Variants in KITLG observed in about 807,000 individuals in gnomAD.
KITLG encodes the protein KIT ligand.
Under a neutral mutation model 34.1 loss-of-function variants are expected in KITLG, and 13 were observed. The observed-to-expected ratio is 0.38, with a 90% confidence interval of 0.25 to 0.61. KITLG has a LOEUF of 0.61. Among genes scored for constraint, KITLG ranks in the 20% least tolerant of loss-of-function variants. KITLG has a pLI of 0.60. For missense variants in KITLG, 292 were observed against 318.9 expected, an observed-to-expected ratio of 0.92 and a Z score of 0.64; for synonymous variants, 110 against 104.0, an observed-to-expected ratio of 1.06 and a Z score of -0.35.
intron 1 of KITLG, among the ~76,000 whole-genome samples, chr12:88,547,962 T>C (rs1298620920): frequency 6.6e-6 from 1 of 152,148 alleles, no homozygotes; most frequent in Non-Finnish European, 1.5e-5. Flanking sequence ...AACTAGGTTA[T>C]ACAGTATGTC....
intron 6 of KITLG, among the ~76,000 whole-genome samples, chr12:88,511,409 G>A (rs533626758): frequency 6.6e-6 from 1 of 152,278 alleles, no homozygotes; most frequent in African/African-American, 2.4e-5. Context: ...CCTGTCTGGG[G>A]TGCACTTTCA....
intron 3 of KITLG, among the ~76,000 whole-genome samples, chr12:88,525,743 T>C (rs1869841356): frequency 6.6e-6 from 1 of 152,036 alleles, no homozygotes; most frequent in Non-Finnish European, 1.5e-5. Context: ...CACAAGATAA[T>C]AAACTAAAAG....
At chr12:88,566,378 C>T (rs1361813098) in intron 1 of KITLG, among the ~76,000 whole-genome samples, 3 of 152,142 alleles carry the variant, frequency 2.0e-5, no homozygotes, top group Admixed American at 2.0e-4. Context: ...GCTAGGGATA[C>T]CAGTGTTAGA....
rs944755324 is a variant in KITLG, at chr12:88,493,213, C to G, written c.*4006G>C. On this transcript the variant is annotated 3_prime_UTR_variant, in exon 10 of 10. Transcript: ENST00000644744. ...AGTATTGTAGCTCAGAGATCAAGTA[C>G]TGGAAAACGGTGTGGTTTTTAGTTT... is the stretch of plus-strand genomic sequence containing the variant. 6.6e-6 allele frequency: 1 copy of G among 152,120 alleles called. No individual in the cohort carries two copies. Among genetic ancestry groups the G allele is most frequent in the Admixed American group, 6.6e-5 (1 of 15,176 alleles). 9.4% of individuals were successfully genotyped at this position (152,120 alleles called of 1,614,324 possible). A position where few individuals can be genotyped will look rare whatever the true frequency, so the allele number is the denominator to read the frequency against.
chr12:88,552,211 G>C (rs576395880), intron 1 of KITLG, among the ~76,000 whole-genome samples: 1 of 139,220 alleles, frequency 7.2e-6, no homozygotes, highest in South Asian at 2.3e-4. Context: ...GTCTCTCTCT[G>C]TTGCTCAGGC....
At chr12:88,549,044 G>T (rs542080862) in intron 1 of KITLG, among the ~76,000 whole-genome samples, 1 of 152,310 alleles carries the variant, frequency 6.6e-6, no homozygotes, top group Non-Finnish European at 1.5e-5. Context: ...GATCCACGCA[G>T]ACATCTGTGG....
intron 2 of KITLG, among the ~76,000 whole-genome samples, chr12:88,533,155 C>T (rs556329423): frequency 4.6e-5 from 7 of 152,162 alleles, no homozygotes; most frequent in Non-Finnish European, 8.8e-5. Context: ...CTCTTACCTT[C>T]GGCTGAACAT....
chr12:88,575,836 A>G (rs1357749110), intron 1 of KITLG, among the ~76,000 whole-genome samples: 4 of 152,178 alleles, frequency 2.6e-5, no homozygotes, highest in Admixed American at 2.6e-4. Flanking sequence ...TAAAATTTAC[A>G]AAAGGGAATA....
At chr12:88,524,144 A>C (rs1869780218) in intron 3 of KITLG, among the ~76,000 whole-genome samples, 1 of 152,184 alleles carries the variant, frequency 6.6e-6, no homozygotes, top group Admixed American at 6.5e-5. Flanking sequence ...TCCATCTATA[A>C]AATAAATTCT....
chr12:88,547,687 C>G (rs554993889), intron 1 of KITLG, among the ~76,000 whole-genome samples: 126 of 152,320 alleles, frequency 8.3e-4, no homozygotes, highest in Non-Finnish European at 1.5e-3. Flanking sequence ...GGAACTTTCT[C>G]TAAGGATCTC....
At chr12:88,538,588 T>C (rs956798994) in intron 2 of KITLG, among the ~76,000 whole-genome samples, 7 of 151,972 alleles carry the variant, frequency 4.6e-5, no homozygotes, top group Non-Finnish European at 1.0e-4. Context: ...GACAAAAGAT[T>C]AGAAGACCAC....
rs1868653484 is a variant in KITLG at position 88,496,706 on chromosome 12, T to C, written c.*513A>G. 6.5e-6 allele frequency: 1 copy of C among 153,438 alleles called. No individual in the cohort carries two copies. 9.5% of individuals were successfully genotyped at this position (153,438 alleles called of 1,614,324 possible). On this transcript the variant is annotated 3_prime_UTR_variant, in exon 10 of 10. Coordinates refer to ENST00000644744, the MANE Select transcript of KITLG (RefSeq NM_000899.5). ...ACAGTTCCCACTGCTTTCTACACTG[T>C]ACAGTGGCTGACACTACTGAGTTTT...
intron 2 of KITLG, among the ~76,000 whole-genome samples, chr12:88,541,059 C>T (rs2120900986): frequency 6.6e-6 from 1 of 152,130 alleles, no homozygotes; most frequent in African/African-American, 2.4e-5. Flanking sequence ...CACTTTAATG[C>T]AGTGGTAATT....
rs1223317923 is a variant in KITLG, at chr12:88,545,862, A to G, written c.19T>C (p.Trp7Arg). Residue 7 changes from tryptophan (W) to arginine (R), a missense_variant, in exon 2 of 10, where the codon TGG becomes CGG. Trp to Arg is a moderately radical substitution (Grantham distance 101). Around this residue, in one of 2 missense-constraint regions of KITLG, gnomAD observed 152 missense variants for 207.9 expected, o/e 0.73. Transcript: ENST00000644744. Reference protein sequence around the residue: MKKTQTWILTCIYLQLL... With the variant: MKKTQTRILTCIYLQLL... The stretch of plus-strand genomic sequence containing the variant: ...TGAAGATAAATGCAAGTGAGAATCC[A>G]AGTCTAAATGAAAACAGAAAAATTG... 6.3e-7 allele frequency: 1 copy of G among 1,597,124 alleles called. No homozygotes were observed.
chr12:88,571,714 A>G (rs571781585), intron 1 of KITLG, among the ~76,000 whole-genome samples: 155 of 152,316 alleles, frequency 1.0e-3, no homozygotes, highest in South Asian at 2.1e-3. Context: ...GGCAACTGCA[A>G]TCATGAAATT....
Position 88,516,383 on chromosome 12 carries a change from T to C in KITLG, c.471A>G (p.Ala157=). ...AAACCACACAATCACTAGTTTCAGA[T>C]GCCACTACAAAGTCCTTGAAGGCAT... ...SIDAFKDFVV[A]SETSDCVVSS... The change falls in exon 5 of 10, where the codon GCA becomes GCG. Residue 157 remains alanine, a synonymous_variant. Transcript: ENST00000644744. 6.2e-7 allele frequency: 1 copy of C among 1,611,494 alleles called. No homozygotes were observed. The highest frequency in any genetic ancestry group is 8.5e-7 in the Non-Finnish European group (1 of 1,178,100).
intron 1 of KITLG, among the ~76,000 whole-genome samples, chr12:88,547,876 G>C (rs1229079607): frequency 6.6e-6 from 1 of 152,166 alleles, no homozygotes; most frequent in Admixed American, 6.5e-5. Context: ...GTGTATACCA[G>C]GCATTGTCCT....
chr12:88,492,807 ATTCT>A lies in KITLG; in HGVS notation c.*4408_*4411del, dbSNP rs1201957507. On this transcript the variant is annotated 3_prime_UTR_variant, in exon 10 of 10. Coordinates refer to ENST00000644744, the MANE Select transcript of KITLG (RefSeq NM_000899.5). ...GGGTAAATTTATGAGAGTGCATAAA[ATTCT>A]TTATTTAGAACAATAAAGTATATGT... The A allele has an allele frequency of 1.3e-5, 2 of 152,422 alleles. No homozygotes were observed. Among genetic ancestry groups the A allele is most frequent in the African/African-American group, 4.8e-5 (2 of 41,428 alleles). 9.4% of individuals were successfully genotyped at this position (152,422 alleles called of 1,614,324 possible).
chr12:88,536,328 A>C (rs921000767), intron 2 of KITLG, among the ~76,000 whole-genome samples: 5 of 152,176 alleles, frequency 3.3e-5, no homozygotes, highest in Non-Finnish European at 4.4e-5. Context: ...AGAGAAATGC[A>C]AATCAAAACC....
Sources: gnomAD v4.1 joint callset for allele counts (sites outside exome capture counted in the v4.1 genomes callset) on GRCh38, gnomAD v4.1.1 for gene constraint, gnomAD v4.1.1 regional missense constraint, MANE v1.5 for transcripts, NCBI Gene and HGNC (gene_info 2026-07-23, HGNC 2026-07-21) for gene names.